KLC2: variants seen among roughly 807,000 people sequenced by gnomAD.
KLC2 encodes KLC 2.
In KLC2, 35 loss-of-function variants were observed where a neutral mutation model predicts 75.1. That is an observed-to-expected ratio of 0.47 (90% CI 0.36 to 0.62). The LOEUF (loss-of-function observed/expected upper bound fraction) is 0.62, where lower values mean the gene tolerates loss of function less well. KLC2 is among the 20% of genes least tolerant of loss of function. The pLI is 0.00. For missense variants in KLC2, 611 were observed against 833.2 expected (o/e 0.73, Z 3.28); for synonymous variants, 314 against 336.7 (o/e 0.93, Z 0.74).
chr11:66,245,915 A>T, the KLC2 span, among the ~76,000 whole-genome samples: 1 of 152,202 alleles, frequency 6.6e-6, no homozygotes, highest in Non-Finnish European at 1.5e-5. Flanking sequence ...GAAGGCTTGC[A>T]GGAGAGGCAG....
intron 4 of KLC2, 153 bp from the exon 5 acceptor site, chr11:66,262,661 A>G (rs756919567): frequency 1.1e-4 from 69 of 629,196 alleles, no homozygotes; most frequent in Non-Finnish European, 1.6e-4. Flanking sequence ...CTATGGGGTA[A>G]CTAGACCCAT....
At position 66,261,865 on chromosome 11, in the gene KLC2, C is replaced by A; in HGVS notation, c.352C>A (p.Gln118Lys). 6.2e-7 allele frequency: 1 copy of A among 1,614,094 alleles called. No homozygotes were observed. Among genetic ancestry groups the A allele is most frequent in the Non-Finnish European group, 8.5e-7 (1 of 1,180,020 alleles). ...WLREELAGTQ[Q>K]KLQRSEQAVA... ...GCGTGAGGAGCTGGCGGGGACACAGCAGAAGCTGCAGCGCAGTGAGCAGGC... is the reference window on the plus strand; with the variant it reads ...GCGTGAGGAGCTGGCGGGGACACAGAAGAAGCTGCAGCGCAGTGAGCAGGC... The change falls in exon 3 of 16, where the codon CAG becomes AAG. Residue 118 changes from glutamine (Q) to lysine (K), a missense_variant. Gln to Lys is a moderately conservative substitution (Grantham distance 53). Transcript: ENST00000394067.
chr11:66,263,661 G>C lies in KLC2; in HGVS notation c.754G>C (p.Asp252His), dbSNP rs561254674. The change falls in exon 6 of 16, where the codon GAT becomes CAT. Residue 252 changes from aspartate (D) to histidine (H), a missense_variant and splice_region_variant. Transcript: ENST00000394067. Reference protein sequence around the residue: ...MLNILALVYRDQNKYKEAAHL... With the variant: ...MLNILALVYRHQNKYKEAAHL... Reference sequence around the variant, plus strand: ...GACCATGCTCCTACCTGCTCCCAGGGATCAGAACAAGTACAAGGAGGCTGC... The same window carrying C: ...GACCATGCTCCTACCTGCTCCCAGGCATCAGAACAAGTACAAGGAGGCTGC... 17 of 1,612,632 alleles carry C rather than the reference G, an allele frequency of 1.1e-5. No homozygotes were observed. The South Asian group carries it at 1.9e-4, about 18-fold the overall frequency.
chr11:66,258,351 G>T (rs1227249103), intron 1 of KLC2: 12 of 550,986 alleles, frequency 2.2e-5, no homozygotes, highest in Non-Finnish European at 3.6e-5. Context: ...GGCCTGAGCC[G>T]GTGGTCTGGG....
In KLC2 at chr11:66,264,123, T is replaced by A. The variant is rs1473698725; in HGVS notation, c.1020T>A (p.Ala340=). The part of the protein sequence containing the change: ...LALLCQNQGK[A]EEVEYYYRRA... ...TGCTGTGCCAGAACCAGGGCAAAGC[T>A]GAGGAGGTGGAATATTACTATCGGC... Residue 340 remains alanine, a synonymous_variant, in exon 8 of 16, where the codon GCT becomes GCA. Transcript: ENST00000394067. 1.9e-6 allele frequency: 3 copies of A among 1,599,424 alleles called. No homozygotes were observed. Among genetic ancestry groups the A allele is most frequent in the Non-Finnish European group, 2.6e-6 (3 of 1,172,478 alleles).
chr11:66,249,236 G>A, the KLC2 span, among the ~76,000 whole-genome samples: 2 of 152,176 alleles, frequency 1.3e-5, no homozygotes, highest in African/African-American at 4.8e-5. Flanking sequence ...CCTTCTCAGC[G>A]CAGCCTGTGA....
At chr11:66,256,743 G>A (rs1856052829), upstream of KLC2, among the ~76,000 whole-genome samples, 1 of 152,204 alleles carries the variant, frequency 6.6e-6, no homozygotes, top group Admixed American at 6.5e-5. Flanking sequence ...GTAAAATAGA[G>A]GGTCTTCACT....
upstream of KLC2, among the ~76,000 whole-genome samples, chr11:66,252,316 C>T (rs546408650): frequency 8.5e-5 from 13 of 152,282 alleles, no homozygotes; most frequent in East Asian, 1.9e-4. Flanking sequence ...GACAGAGTCT[C>T]GCTCTGTCCC....
At chr11:66,265,095 GC>G in intron 10 of KLC2, 23 bp downstream of exon 10, 1 of 1,609,564 alleles carries the variant, frequency 6.2e-7, no homozygotes, top group Non-Finnish European at 8.5e-7. Context: ...GGCAGGCTGG[GC>G]GGTTGTCAGG....
At chr11:66,264,280 G>A in intron 8 of KLC2, 61 bp downstream of exon 8, 1 of 1,567,470 alleles carries the variant, frequency 6.4e-7, no homozygotes, top group South Asian at 1.2e-5. Flanking sequence ...TGAGGTTGGG[G>A]AAGAAGGAGA....
chr11:66,250,988 G>A, the KLC2 span, among the ~76,000 whole-genome samples: 1 of 152,236 alleles, frequency 6.6e-6, no homozygotes, highest in Admixed American at 6.5e-5. Flanking sequence ...AGAGAAGTGA[G>A]ACGACATATT....
Position 66,258,582 on chromosome 11 carries a change from A to AG in KLC2, c.-11-1dup. 6.3e-7 allele frequency: 1 copy of AG among 1,597,242 alleles called. No individual in the cohort carries two copies. Among genetic ancestry groups the AG allele is most frequent in the Non-Finnish European group, 8.6e-7 (1 of 1,166,334 alleles). On this transcript the variant is annotated splice_acceptor_variant, in intron 1 of 15. Transcript: ENST00000394067. LOFTEE classifies it low-confidence loss of function (5UTR_SPLICE). ...CGCCTGCCCGCACCCTCGTCCTCAC[A>AG]GACGCCACAGCCATGGCCATGATGG...
intron 11 of KLC2, 54 bp downstream of exon 11, chr11:66,265,289 A>C: frequency 6.7e-7 from 1 of 1,482,784 alleles, no homozygotes; most frequent in Non-Finnish European, 9.4e-7. Context: ...CGGGCTCCAC[A>C]TTCCATACTC....
At chr11:66,250,861 G>A in the KLC2 span, among the ~76,000 whole-genome samples, 4 of 152,216 alleles carry the variant, frequency 2.6e-5, no homozygotes, top group East Asian at 5.8e-4. Context: ...CAGTGGGAGC[G>A]GAGGAAGAGT....
chr11:66,264,528 G>C, intron 9 of KLC2, 84 bp downstream of exon 9: 1 of 1,023,748 alleles, frequency 9.8e-7, no homozygotes, highest in Middle Eastern at 2.0e-4. Context: ...TCCCTCAGCA[G>C]GGCAGGCCCT....
At chr11:66,251,866 A>G in the KLC2 span, among the ~76,000 whole-genome samples, 5 of 152,232 alleles carry the variant, frequency 3.3e-5, no homozygotes, top group African/African-American at 1.2e-4. Flanking sequence ...ACTTAGTGCT[A>G]TTCCAACTGG....
At chr11:66,264,758 T>A (rs1380787612) in intron 9 of KLC2, 1 of 585,528 alleles carries the variant, frequency 1.7e-6, no homozygotes, top group Non-Finnish European at 3.0e-6. Context: ...TGGCCCCGGA[T>A]GGTCAGTCAT....
the KLC2 span, among the ~76,000 whole-genome samples, chr11:66,247,789 C>T: frequency 1.3e-5 from 2 of 152,314 alleles, no homozygotes; most frequent in African/African-American, 2.4e-5. Context: ...AATAAATACT[C>T]GTTTGCAGAA....
At chr11:66,247,143 C>G in the KLC2 span, among the ~76,000 whole-genome samples, 1 of 152,162 alleles carries the variant, frequency 6.6e-6, no homozygotes, top group Non-Finnish European at 1.5e-5. Context: ...TTGTACCCAC[C>G]ATCTAATCCA....
Sources: allele counts gnomAD v4.1 joint callset (sites outside exome capture counted in the v4.1 genomes callset), GRCh38; gene constraint gnomAD v4.1.1; transcripts MANE v1.5; gene names NCBI Gene and HGNC (gene_info 2026-07-23, HGNC 2026-07-21).